Variants in OTUD6B observed in about 807,000 individuals in gnomAD.
The protein encoded by OTUD6B is deubiquitinase OTUD6B.
Under a neutral mutation model 36.9 loss-of-function variants are expected in OTUD6B, and 41 were observed. The observed-to-expected ratio is 1.11, with a 90% CI of 0.87 to 1.44. OTUD6B has a LOEUF of 1.44. OTUD6B is among the 40% of genes most tolerant of loss of function. The probability of loss-of-function intolerance (pLI) is 0.00; values close to 1 mark genes in which losing one functional copy is unlikely to be tolerated. For missense variants in OTUD6B, 356 were observed against 344.8 expected (o/e 1.03, Z -0.26); for synonymous variants, 114 against 114.2 (o/e 1.00, Z 0.01).
At chr8:91,078,813 TG>T (rs753492499) in intron 4 of OTUD6B, 145 bp downstream of exon 4, 14 of 493,978 alleles carry the variant, frequency 2.8e-5, no homozygotes, top group Non-Finnish European at 4.9e-5. Flanking sequence ...AATTATTTTC[TG>T]TAATTTTAAT....
chr8:91,076,732 G>A (rs1255242166), intron 3 of OTUD6B: 2 of 933,144 alleles, frequency 2.1e-6, no homozygotes, highest in South Asian at 2.8e-5. Context: ...GATATCTAAG[G>A]TGCTTATTCT....
intron 4 of OTUD6B, among the ~76,000 whole-genome samples, chr8:91,079,765 G>A (rs1812865523): frequency 6.6e-6 from 1 of 152,078 alleles, no homozygotes; most frequent in Admixed American, 6.6e-5. Flanking sequence ...GCTAGTTGTA[G>A]GGCATAGAGG....
rs563075086 is a variant in OTUD6B at position 91,076,976 on chromosome 8, G to A, written c.316-1380G>A. 5.3e-5 allele frequency among the ~76,000 whole-genome samples: 8 copies of A among 151,998 alleles called. No individual in the cohort carries two copies. The South Asian group carries it at 1.4e-3, about 28-fold the overall frequency. On this transcript the variant is annotated intron_variant, in intron 3 of 6. Transcript: ENST00000404789. ...ATCTAGCATGGCACATAACAGGCAA[G>A]TAGTACAGGTACATGACAATAAGTT...
Position 91,080,653 on chromosome 8 carries a change from G to T in OTUD6B, c.629-16G>T. Reference sequence around the variant, plus strand: ...CAAAAATTATTAAGTGCTGTATTCTGACCTAATCTCTACAGAAGAATTTCA... The same window carrying T: ...CAAAAATTATTAAGTGCTGTATTCTTACCTAATCTCTACAGAAGAATTTCA... On this transcript the variant is annotated splice_polypyrimidine_tract_variant and intron_variant, in intron 4 of 6. Transcript: ENST00000404789. The T allele has an allele frequency of 6.3e-7, 1 of 1,589,536 alleles. No individual in the cohort carries two copies. Among genetic ancestry groups the T allele is most frequent in the South Asian group, 1.2e-5 (1 of 86,926 alleles).
chr8:91,072,534 A>T (rs1812720714), intron 2 of OTUD6B, among the ~76,000 whole-genome samples: 1 of 152,206 alleles, frequency 6.6e-6, no homozygotes, highest in South Asian at 2.1e-4. Flanking sequence ...TTTGCTGTTG[A>T]CAAGTACAGC....
intron 4 of OTUD6B, 145 bp from the exon 5 acceptor site, chr8:91,080,524 G>T: frequency 7.0e-7 from 1 of 1,421,646 alleles, no homozygotes; most frequent in Non-Finnish European, 9.2e-7. Context: ...CTGGGAGTTA[G>T]ATTAGATTCT....
chr8:91,073,913 T>C lies in OTUD6B; in HGVS notation c.315+2T>C. 1 of 1,581,254 alleles carries C rather than the reference T, an allele frequency of 6.3e-7. No individual in the cohort carries two copies. The highest frequency in any genetic ancestry group is 2.3e-5 in the East Asian group (1 of 43,838). On this transcript the variant is annotated splice_donor_variant, in intron 3 of 6. Coordinates refer to ENST00000404789, the MANE Select transcript of OTUD6B (RefSeq NM_016023.5). LOFTEE classifies it high-confidence loss of function. ...ATATCAAAAGCACAAAAGAGACGGG[T>C]ATGAAAGTCATGTCACCAAGTATAT...
In OTUD6B at chr8:91,071,247, A is replaced by G. The variant is rs146478242; in HGVS notation, c.192A>G (p.Arg64=). 66 of 1,613,850 alleles carry G rather than the reference A, an allele frequency of 4.1e-5. No homozygotes were observed. In the African/African-American group the frequency reaches 7.3e-4, roughly 18 times the overall value. ...KLEKEMEQKH[R]EELEQLKLTT... is the part of the protein sequence containing the mutation. ...AAAAAGAAATGGAACAGAAACATAG[A>G]GAGGAACTGGAGCAATTGAAGCTGA... Residue 64 remains arginine (R), a synonymous_variant, in exon 2 of 7, where the codon AGA becomes AGG. Transcript: ENST00000404789.
chr8:91,071,196 A>G lies in OTUD6B; in HGVS notation c.141A>G (p.Gln47=), dbSNP rs11557571. ...VPKNDKKRRK[Q]LTEDVAKLEK... is the part of the protein sequence containing the mutation. ...AGAATGACAAGAAGAGGAGGAAGCA[A>G]CTCACCGAAGATGTGGCCAAGTTGG... is the stretch of plus-strand genomic sequence containing the variant. The change falls in exon 2 of 7, where the codon CAA becomes CAG. Residue 47 remains glutamine (Q), a synonymous_variant. Coordinates refer to ENST00000404789, the MANE Select transcript of OTUD6B (RefSeq NM_016023.5). 0.58 allele frequency: 931,442 copies of G among 1,612,418 alleles called. 275,730 individuals carry two copies. The highest frequency in any genetic ancestry group is 0.65 in the South Asian group (59,311 of 91,020).
intron 2 of OTUD6B, 97 bp from the exon 3 acceptor site, chr8:91,073,734 G>T: frequency 1.4e-6 from 2 of 1,391,352 alleles, no homozygotes; most frequent in Non-Finnish European, 9.5e-7. Flanking sequence ...AGTGTCTATT[G>T]CTGTTACTCA....
At chr8:91,079,327 G>T (rs1451478009) in intron 4 of OTUD6B, 6 of 151,988 alleles carry the variant, frequency 3.9e-5, no homozygotes, top group Admixed American at 2.0e-4. Context: ...AGTATCCATT[G>T]TTCCCACAAG....
chr8:91,084,721 C>T (rs1586210334), intron 6 of OTUD6B, 63 bp from the exon 7 acceptor site: 2 of 1,275,172 alleles, frequency 1.6e-6, no homozygotes, highest in African/African-American at 3.1e-5. Context: ...ATATAATAAG[C>T]ATATATATAT....
chr8:91,075,941 T>C lies in OTUD6B; in HGVS notation c.315+2030T>C, dbSNP rs145266358. Reference sequence around the variant, plus strand: ...GGAATATTGTAGAGCATATCTCTTATTTTTAGTCTAGAAAAACAGTATTTT... The same window carrying C: ...GGAATATTGTAGAGCATATCTCTTACTTTTAGTCTAGAAAAACAGTATTTT... On this transcript the variant is annotated intron_variant, in intron 3 of 6. Transcript: ENST00000404789. Among the ~76,000 whole-genome samples, 222 of 152,276 alleles carry C rather than the reference T, an allele frequency of 1.5e-3. 2 individuals carry two copies. The Middle Eastern group carries it at 0.027, about 19-fold the overall frequency.
At chr8:91,073,628 C>T in intron 2 of OTUD6B, 1 of 302,314 alleles carries the variant, frequency 3.3e-6, no homozygotes, top group Non-Finnish European at 4.9e-6. Flanking sequence ...GGAAAGCATG[C>T]AGGGATGAGC....
Position 91,084,007 on chromosome 8 carries a change from G to A in OTUD6B, c.691-1G>A, listed in dbSNP as rs747865333. ...TACTGATACTTTTTTTCTTCCTATAGCTAAGAGCTCTGTCTCACATTTTAC... is the reference window on the plus strand; with the variant it reads ...TACTGATACTTTTTTTCTTCCTATAACTAAGAGCTCTGTCTCACATTTTAC... On this transcript the variant is annotated splice_acceptor_variant, in intron 5 of 6. Transcript: ENST00000404789. LOFTEE classifies it high-confidence loss of function. 3.9e-6 allele frequency: 6 copies of A among 1,556,642 alleles called. No individual in the cohort carries two copies.
intron 1 of OTUD6B, 95 bp downstream of exon 1, chr8:91,070,561 C>A: frequency 1.7e-6 from 2 of 1,181,228 alleles, no homozygotes; most frequent in Non-Finnish European, 2.4e-6. Flanking sequence ...CGTGACTTAT[C>A]TGGATCACCC....
At position 91,086,815 on chromosome 8, in the gene OTUD6B, A is replaced by G. The variant is rs1042844931; in HGVS notation, c.*1947A>G. The G allele has an allele frequency of 6.6e-6, 1 of 152,140 alleles. No individual in the cohort carries two copies. The highest frequency in any genetic ancestry group is 1.5e-5 in the Non-Finnish European group (1 of 67,954). 9.4% of individuals were successfully genotyped at this position (152,140 alleles called of 1,614,324 possible). A position where few individuals can be genotyped will look rare whatever the true frequency, so the allele number is the denominator to read the frequency against. Reference sequence around the variant, plus strand: ...CTATAACCTAAAAAAGTGTTTAAATAAAATGACAGATGTTAATTTAAAAGC... The same window carrying G: ...CTATAACCTAAAAAAGTGTTTAAATGAAATGACAGATGTTAATTTAAAAGC... On this transcript the variant is annotated 3_prime_UTR_variant, in exon 7 of 7. Coordinates refer to ENST00000404789, the MANE Select transcript of OTUD6B (RefSeq NM_016023.5).
chr8:91,084,455 G>A (rs1812968813), intron 6 of OTUD6B, among the ~76,000 whole-genome samples: 1 of 152,028 alleles, frequency 6.6e-6, no homozygotes, highest in Non-Finnish European at 1.5e-5. Flanking sequence ...CTGAAATACA[G>A]CATGCAGGGT....
chr8:91,072,245 A>G (rs1291025698), intron 2 of OTUD6B, among the ~76,000 whole-genome samples: 2 of 152,202 alleles, frequency 1.3e-5, no homozygotes, highest in African/African-American at 4.8e-5. Context: ...ACATAATCCC[A>G]TTTTTCAAGT....
Sources: gnomAD v4.1 joint callset for allele counts (sites outside exome capture counted in the v4.1 genomes callset) on GRCh38, gnomAD v4.1.1 for gene constraint, MANE v1.5 for transcripts, NCBI Gene and HGNC (gene_info 2026-07-23, HGNC 2026-07-21) for gene names.